The following RBMS1 variants were observed in gnomAD, a reference collection of about 807,000 sequenced individuals.
RBMS1 encodes the protein RNA-binding motif, single-stranded-interacting protein 1.
A neutral mutation model predicts 62.3 loss-of-function variants in RBMS1; 17 were observed. The ratio of observed to expected loss-of-function variants is 0.27; its 90% CI spans 0.19 to 0.41. The LOEUF (loss-of-function observed/expected upper bound fraction) is 0.41, where lower values mean the gene tolerates loss of function less well. Among genes scored for constraint, RBMS1 ranks in the 10% least tolerant of loss-of-function variants. RBMS1 has a pLI of 1.00. For synonymous variants in RBMS1, 172 were observed against 170.0 expected, an observed-to-expected ratio of 1.01 and a Z score of -0.09; for missense variants, 334 against 504.5, an observed-to-expected ratio of 0.66 and a Z score of 3.24.
chr2:160,324,829 C>T (rs1690795260), intron 2 of RBMS1, among the ~76,000 whole-genome samples: 1 of 146,760 alleles, frequency 6.8e-6, no homozygotes, highest in African/African-American at 2.5e-5. Context: ...TACAGGTATA[C>T]AGCTCCTACT....
chr2:160,278,174 A>G, intron 11 of RBMS1: 1 of 244,662 alleles, frequency 4.1e-6, no homozygotes, highest in Non-Finnish European at 8.1e-6. Context: ...CCCAAACTCC[A>G]TAAAAGAAGA....
intron 1 of RBMS1, among the ~76,000 whole-genome samples, chr2:160,382,955 A>G (rs1442504650): frequency 1.3e-5 from 2 of 152,188 alleles, no homozygotes; most frequent in African/African-American, 4.8e-5. Flanking sequence ...GGCTCCTGTC[A>G]GGAAACGTAA....
At chr2:160,388,008 AGCT>A (rs1390534245) in intron 1 of RBMS1, among the ~76,000 whole-genome samples, 1 of 152,178 alleles carries the variant, frequency 6.6e-6, no homozygotes, top group Non-Finnish European at 1.5e-5. Context: ...GCATCAGTCC[AGCT>A]GCTCCGGTAC....
chr2:160,302,257 T>G lies in RBMS1; in HGVS notation c.560+1073A>C, dbSNP rs181254232. The stretch of plus-strand genomic sequence containing the variant: ...TCACCCAGGCTGGAGTGCACTGGCA[T>G]GATCAAGGCTCACTGTATCCTCCAA... On this transcript the variant is annotated intron_variant, in intron 5 of 13. Coordinates refer to ENST00000348849, the MANE Select transcript of RBMS1 (RefSeq NM_016836.4). 1.4e-3 allele frequency among the ~76,000 whole-genome samples: 216 copies of G among 151,984 alleles called. 3 individuals are homozygous for G. The highest frequency in any genetic ancestry group is 0.013 in the Admixed American group (205 of 15,254).
intron 12 of RBMS1, among the ~76,000 whole-genome samples, chr2:160,275,981 C>T (rs1687815032): frequency 6.6e-6 from 1 of 152,122 alleles, no homozygotes; most frequent in Non-Finnish European, 1.5e-5. Context: ...CCCTCTTATC[C>T]CCTGGGGACA....
At chr2:160,380,208 C>T (rs1208258819) in intron 1 of RBMS1, among the ~76,000 whole-genome samples, 1 of 152,154 alleles carries the variant, frequency 6.6e-6, no homozygotes, top group Non-Finnish European at 1.5e-5. Flanking sequence ...AAAATGATGC[C>T]TAAGTGGAAA....
chr2:160,470,612 A>G (rs1684875745), intron 1 of RBMS1, among the ~76,000 whole-genome samples: 1 of 151,408 alleles, frequency 6.6e-6, no homozygotes, highest in South Asian at 2.1e-4. Flanking sequence ...AACATTTTTT[A>G]TCTTTCCTGG....
Position 160,493,307 on chromosome 2 carries a change from G to A in RBMS1, c.57C>T (p.Pro19=), listed in dbSNP as rs751142171. ...CCTTTACCTTGGCTTGCAGATACTGGGGGTAATAGTAGGTGGCGTACTGAG... is the reference window on the plus strand; with the variant it reads ...CCTTTACCTTGGCTTGCAGATACTGAGGGTAATAGTAGGTGGCGTACTGAG... ...MYPQYATYYY[P]QYLQAKQSLV... The change falls in exon 1 of 14, where the codon CCC becomes CCT. Residue 19 remains proline (P), a synonymous_variant. Transcript: ENST00000348849. The A allele has an allele frequency of 6.2e-7, 1 of 1,613,336 alleles. No individual in the cohort carries two copies. The highest frequency in any genetic ancestry group is 8.5e-7 in the Non-Finnish European group (1 of 1,179,572).
At chr2:160,465,853 CACACACACACAT>C (rs1206478427) in intron 1 of RBMS1, among the ~76,000 whole-genome samples, 5 of 121,848 alleles carry the variant, frequency 4.1e-5, no homozygotes, top group East Asian at 5.5e-4. Flanking sequence ...ACCACACACA[CACACACACACAT>C]ACACACACAC....
At chr2:160,422,291 G>T (rs1218446655) in intron 1 of RBMS1, among the ~76,000 whole-genome samples, 1 of 152,158 alleles carries the variant, frequency 6.6e-6, no homozygotes, top group African/African-American at 2.4e-5. Context: ...AGTTTAGGGG[G>T]TCGTGAGTAA....
chr2:160,480,545 T>G (rs545607034), intron 1 of RBMS1, among the ~76,000 whole-genome samples: 1 of 152,336 alleles, frequency 6.6e-6, no homozygotes, highest in South Asian at 2.1e-4. Context: ...TATTAATTAC[T>G]TAAAGGGGTA....
In RBMS1 at chr2:160,493,749, T is replaced by A. The variant is rs1165379213; in HGVS notation, c.-386A>T. 6.4e-5 allele frequency: 17 copies of A among 264,372 alleles called. No homozygotes were observed. 16.4% of individuals were successfully genotyped at this position (264,372 alleles called of 1,614,324 possible). A position where few individuals can be genotyped will look rare whatever the true frequency, so the allele number is the denominator to read the frequency against. On this transcript the variant is annotated 5_prime_UTR_variant, in exon 1 of 14. Coordinates refer to ENST00000348849, the MANE Select transcript of RBMS1 (RefSeq NM_016836.4). ...GAGCCGGCTGCGCGGGGCTGAGAGGTGATCAATACAAGTGGAAAGTGCGGC... is the reference window on the plus strand; with the variant it reads ...GAGCCGGCTGCGCGGGGCTGAGAGGAGATCAATACAAGTGGAAAGTGCGGC...
At chr2:160,305,807 G>A (rs114935699) in intron 4 of RBMS1, among the ~76,000 whole-genome samples, 1,789 of 152,216 alleles carry the variant, frequency 0.012, 52 homozygotes, top group African/African-American at 0.041. Flanking sequence ...TCTTTGGACA[G>A]AGATATGGTA....
chr2:160,421,943 C>T (rs1696448941), intron 1 of RBMS1, among the ~76,000 whole-genome samples: 1 of 152,146 alleles, frequency 6.6e-6, no homozygotes, highest in Non-Finnish European at 1.5e-5. Flanking sequence ...GCATAAATGT[C>T]TTCACTCTAA....
intron 1 of RBMS1, among the ~76,000 whole-genome samples, chr2:160,426,221 GA>G (rs1559537009): frequency 2.3e-4 from 12 of 52,232 alleles, no homozygotes; most frequent in African/African-American, 8.2e-4. Flanking sequence ...AGAGACAGAA[GA>G]AAGAAAGAAA....
intron 2 of RBMS1, among the ~76,000 whole-genome samples, chr2:160,326,307 A>AG (rs1690925621): frequency 6.6e-6 from 1 of 152,320 alleles, no homozygotes; most frequent in East Asian, 1.9e-4. Flanking sequence ...ACCATTAAGG[A>AG]GGACAGTCCT....
chr2:160,455,657 A>C (rs909519891), intron 1 of RBMS1, among the ~76,000 whole-genome samples: 1 of 151,706 alleles, frequency 6.6e-6, no homozygotes, highest in East Asian at 1.9e-4. Context: ...CATCACATAC[A>C]ATGTAATATA....
chr2:160,449,488 T>C (rs549196674), intron 1 of RBMS1, among the ~76,000 whole-genome samples: 18 of 152,276 alleles, frequency 1.2e-4, no homozygotes, highest in African/African-American at 3.9e-4. Flanking sequence ...CTAAGAAAAA[T>C]TCTTCTGCCT....
At chr2:160,472,620 T>C (rs1170006772) in intron 1 of RBMS1, among the ~76,000 whole-genome samples, 1 of 152,222 alleles carries the variant, frequency 6.6e-6, no homozygotes, top group Admixed American at 6.5e-5. Context: ...TATTAATTTC[T>C]AGTGTTATTT....
Sources: allele counts gnomAD v4.1 joint callset (sites outside exome capture counted in the v4.1 genomes callset), GRCh38; gene constraint gnomAD v4.1.1; transcripts MANE v1.5; gene names NCBI Gene and HGNC (gene_info 2026-07-23, HGNC 2026-07-21).